Variants in ANK2 observed in about 807,000 individuals in gnomAD.
The protein encoded by ANK2 is ankyrin 2.
In ANK2, 83 loss-of-function variants were observed where a neutral mutation model predicts 360.5. That is an observed-to-expected ratio of 0.23 (90% confidence interval 0.19 to 0.28). ANK2 has a LOEUF of 0.28. Among genes scored for constraint, ANK2 ranks in the 10% least tolerant of loss-of-function variants. The pLI is 1.00. For missense variants in ANK2, 4,201 were observed against 4,795.7 expected (o/e 0.88, Z 3.66); for synonymous variants, 1,740 against 1,759.5 (o/e 0.99, Z 0.28).
chr4:113,144,292 CA>C (rs1200204542), intron 1 of ANK2, among the ~76,000 whole-genome samples: 1 of 152,004 alleles, frequency 6.6e-6, no homozygotes, highest in Non-Finnish European at 1.5e-5. Context: ...ACCAGATTGA[CA>C]AAAAAGCAGC....
intron 1 of ANK2, among the ~76,000 whole-genome samples, chr4:112,874,501 G>A (rs1293759705): frequency 1.3e-5 from 2 of 151,460 alleles, no homozygotes; most frequent in Non-Finnish European, 2.9e-5. Flanking sequence ...AATTAGCTGG[G>A]TGTGCTGGCA....
intron 1 of ANK2, among the ~76,000 whole-genome samples, chr4:112,882,604 G>T (rs764798453): frequency 6.6e-6 from 1 of 151,458 alleles, no homozygotes; most frequent in Admixed American, 6.6e-5. Flanking sequence ...AAAGGATGCC[G>T]TATTTAATTG....
chr4:113,082,328 G>A (rs1469200050), intron 1 of ANK2, among the ~76,000 whole-genome samples: 1 of 151,912 alleles, frequency 6.6e-6, no homozygotes, highest in East Asian at 1.9e-4. Context: ...TGTGGAGAGT[G>A]GGGTCTCACT....
chr4:113,161,305 A>G (rs1277846135), intron 1 of ANK2, among the ~76,000 whole-genome samples: 1 of 152,180 alleles, frequency 6.6e-6, no homozygotes, highest in Admixed American at 6.5e-5. Context: ...CAACAGAAGA[A>G]TTTTGCAATA....
At chr4:112,992,310 AT>A (rs1263506581) in intron 2 of ANK2, among the ~76,000 whole-genome samples, 1 of 151,956 alleles carries the variant, frequency 6.6e-6, no homozygotes, top group African/African-American at 2.4e-5. Flanking sequence ...CGCCCGGCTA[AT>A]TTTTGTATTT....
At chr4:113,252,350 C>A (rs2046926083) in intron 10 of ANK2, among the ~76,000 whole-genome samples, 2 of 152,036 alleles carry the variant, frequency 1.3e-5, no homozygotes, top group Admixed American at 1.3e-4. Flanking sequence ...GGGGACACAG[C>A]CAAACCATAT....
intron 15 of ANK2, 103 bp from the exon 16 acceptor site, chr4:113,277,734 A>G: frequency 1.1e-6 from 1 of 870,904 alleles, no homozygotes; most frequent in South Asian, 1.4e-5. Context: ...TTTTTTCCAA[A>G]TGAAGAATCA....
intron 1 of ANK2, among the ~76,000 whole-genome samples, chr4:112,867,356 CCTATT>C (rs1200281579): frequency 2.6e-5 from 4 of 151,834 alleles, no homozygotes; most frequent in African/African-American, 9.6e-5. Context: ...GTTTTTTCCT[CCTATT>C]CTTTTAGTAT....
In ANK2 at chr4:113,218,537, A is replaced by C. The variant is rs362490; in HGVS notation, c.385-13624A>C. On this transcript the variant is annotated intron_variant, in intron 4 of 45. Transcript: ENST00000357077. ...TTTAGATTTCCTGGGTGTATATCTC[A>C]GGCGATAAAAAGTGCTATACTGCTA... 8.2e-3 allele frequency among the ~76,000 whole-genome samples: 1,255 copies of C among 152,180 alleles called. 10 individuals are homozygous for C. The highest frequency in any genetic ancestry group is 0.034 in the Middle Eastern group (10 of 294).
rs768618436 is a variant in ANK2 at position 113,335,914 on chromosome 4, T to C, written c.3448T>C (p.Tyr1150His). 3 of 1,614,174 alleles carry C rather than the reference T, an allele frequency of 1.9e-6. No homozygotes were observed. The highest frequency in any genetic ancestry group is 2.5e-6 in the Non-Finnish European group (3 of 1,180,008). ...CRIITRDFPQ[Y>H]FAVVSRIKQD... ...CATCATCACCCGAGACTTCCCACAG[T>C]ACTTTGCAGTGGTGTCTCGTATCAA... Residue 1150 changes from tyrosine to histidine, a missense_variant, in exon 30 of 46, where the codon TAC (tyrosine) becomes CAC (histidine). By Grantham distance (83) the Tyr-to-His change is moderately conservative. Transcript: ENST00000357077.
At chr4:113,188,129 G>T (rs1394321123) in intron 2 of ANK2, among the ~76,000 whole-genome samples, 1 of 152,068 alleles carries the variant, frequency 6.6e-6, no homozygotes, top group African/African-American at 2.4e-5. Flanking sequence ...GGCTCTGATG[G>T]TTATATTTAC....
intron 31 of ANK2, among the ~76,000 whole-genome samples, chr4:113,338,536 T>C (rs2093842525): frequency 6.6e-6 from 1 of 150,380 alleles, no homozygotes; most frequent in African/African-American, 2.5e-5. Flanking sequence ...AATATTTAGA[T>C]TGTTCACTTT....
At chr4:112,953,595 G>A (rs910094516) in intron 2 of ANK2, among the ~76,000 whole-genome samples, 3 of 152,200 alleles carry the variant, frequency 2.0e-5, no homozygotes, top group African/African-American at 4.8e-5. Context: ...GAGCTTTGCC[G>A]TTAGCATTAC....
chr4:113,166,036 T>G (rs2097743732), intron 1 of ANK2, among the ~76,000 whole-genome samples: 2 of 152,184 alleles, frequency 1.3e-5, no homozygotes, highest in South Asian at 4.1e-4. Flanking sequence ...TGTTCAGTGT[T>G]GGAACTTCTG....
At chr4:112,961,341 A>G (rs2154260710) in intron 2 of ANK2, among the ~76,000 whole-genome samples, 1 of 152,218 alleles carries the variant, frequency 6.6e-6, no homozygotes, top group Middle Eastern at 3.4e-3. Flanking sequence ...TTTTTTAGTT[A>G]TGTGTAGAGT....
intron 5 of ANK2, among the ~76,000 whole-genome samples, chr4:113,235,199 T>C (rs542475157): frequency 3.3e-5 from 5 of 152,236 alleles, no homozygotes; most frequent in African/African-American, 7.2e-5. Context: ...CATTTAAATA[T>C]GTATGTGCTA....
chr4:113,048,917 GACACACACAC>G (rs55814667), upstream of ANK2, among the ~76,000 whole-genome samples: 8,313 of 139,210 alleles, frequency 0.06, 446 homozygotes, highest in East Asian at 0.3. Flanking sequence ...CCCCTACCCA[GACACACACAC>G]ACACACACAC....
chr4:113,183,815 G>A (rs2098462291), intron 2 of ANK2, among the ~76,000 whole-genome samples: 2 of 151,968 alleles, frequency 1.3e-5, no homozygotes, highest in East Asian at 3.9e-4. Context: ...TGGAGTTTTG[G>A]AAGAGTCACC....
At chr4:113,294,235 A>G (rs950955040) in intron 22 of ANK2, among the ~76,000 whole-genome samples, 23 of 152,184 alleles carry the variant, frequency 1.5e-4, no homozygotes, top group African/African-American at 5.3e-4. Flanking sequence ...ATGCTCCTGT[A>G]CCATTCAGTG....
Sources: allele counts gnomAD v4.1 joint callset (sites outside exome capture counted in the v4.1 genomes callset), GRCh38; gene constraint gnomAD v4.1.1; transcripts MANE v1.5; gene names NCBI Gene and HGNC (gene_info 2026-07-23, HGNC 2026-07-21).